ADGRG6: variants seen among roughly 807,000 people sequenced by gnomAD.
ADGRG6 encodes G-protein coupled receptor 126.
Under a neutral mutation model 142.4 loss-of-function variants are expected in ADGRG6, and 84 were observed. The ratio of observed to expected loss-of-function variants is 0.59; its 90% CI spans 0.49 to 0.71. The LOEUF is 0.71. ADGRG6 is among the 30% of genes least tolerant of loss of function. The pLI is 0.00. For missense variants in ADGRG6, 1,367 were observed against 1,466.6 expected (o/e 0.93, Z 1.11); for synonymous variants, 521 against 520.5 (o/e 1.00, Z -0.01).
chr6:142,317,758 T>C (rs1378956629), intron 2 of ADGRG6, among the ~76,000 whole-genome samples: 1 of 100,192 alleles, frequency 1.0e-5, no homozygotes, highest in Non-Finnish European at 1.8e-5. Context: ...ATATTTATAT[T>C]ATATATATTT....
chr6:142,306,454 G>C (rs1483868709), intron 1 of ADGRG6, among the ~76,000 whole-genome samples: 1 of 152,030 alleles, frequency 6.6e-6, no homozygotes, highest in Non-Finnish European at 1.5e-5. Flanking sequence ...TAGGTTGGAA[G>C]CCAAGTGACA....
intron 4 of ADGRG6, among the ~76,000 whole-genome samples, chr6:142,371,606 C>T (rs1169898530): frequency 6.6e-6 from 1 of 151,750 alleles, no homozygotes; most frequent in African/African-American, 2.4e-5. Flanking sequence ...CTGCCTCAGC[C>T]TATCGAGTAG....
chr6:142,323,602 G>A (rs1778622792), intron 2 of ADGRG6, among the ~76,000 whole-genome samples: 2 of 152,050 alleles, frequency 1.3e-5, no homozygotes, highest in Non-Finnish European at 2.9e-5. Flanking sequence ...TGCATCGTTA[G>A]GTGATTTCGT....
intron 22 of ADGRG6, among the ~76,000 whole-genome samples, chr6:142,432,817 T>A (rs1777277640): frequency 6.6e-6 from 1 of 152,214 alleles, no homozygotes; most frequent in African/African-American, 2.4e-5. Context: ...ACCTCGTTCT[T>A]TTCTGATGTC....
At chr6:142,320,335 A>G (rs570050510) in intron 2 of ADGRG6, among the ~76,000 whole-genome samples, 2 of 152,196 alleles carry the variant, frequency 1.3e-5, no homozygotes, top group African/African-American at 2.4e-5. Flanking sequence ...ACTTAAATCT[A>G]TGTTGGATTT....
chr6:142,305,332 A>G (rs904134120), intron 1 of ADGRG6, among the ~76,000 whole-genome samples: 1 of 151,734 alleles, frequency 6.6e-6, no homozygotes, highest in East Asian at 1.9e-4. Flanking sequence ...ACACACCTCT[A>G]TACCTTTTAC....
In ADGRG6 at chr6:142,408,221, G is replaced by T; in HGVS notation, c.2340G>T (p.Gln780His). The part of the protein sequence containing the change: ...MACSIGNITI[Q>H]NLKDPVQIKI... Reference sequence around the variant, plus strand: ...GCAGTATTGGAAACATTACTATCCAGAATCTGAAGGATCCTGTTCAAATAA... The same window carrying T: ...GCAGTATTGGAAACATTACTATCCATAATCTGAAGGATCCTGTTCAAATAA... The change falls in exon 16 of 25, where the codon CAG becomes CAT. Residue 780 changes from glutamine (Q) to histidine (H), a missense_variant. Physicochemically the swap from Gln to His is conservative, Grantham distance 24 (BLOSUM62 0). This residue lies in a region of ADGRG6 where 286 missense variants were observed against 371.4 expected (regional missense o/e 0.77). Coordinates refer to ENST00000367609, the MANE Select transcript of ADGRG6 (RefSeq NM_198569.3). 6.3e-7 allele frequency: 1 copy of T among 1,583,628 alleles called. No homozygotes were observed. The highest frequency in any genetic ancestry group is 8.6e-7 in the Non-Finnish European group (1 of 1,161,616).
chr6:142,367,926 G>A lies in ADGRG6; in HGVS notation c.445+16G>A. On this transcript the variant is annotated intron_variant, in intron 3 of 24. Coordinates refer to ENST00000367609, the MANE Select transcript of ADGRG6 (RefSeq NM_198569.3). ...TACATCAGAGGTATGTAAACCAAAG[G>A]CAACGCCAACCTTCTGCTTTTATTT... 5 of 1,435,968 alleles carry A rather than the reference G, an allele frequency of 3.5e-6. 1 individual carries two copies. Among genetic ancestry groups the A allele is most frequent in the South Asian group, 2.3e-5 (2 of 86,018 alleles). The allele number at this position is 1,435,968 out of a possible 1,614,324, so 89.0% of individuals were successfully genotyped here. A position where few individuals can be genotyped will look rare whatever the true frequency, so the allele number is the denominator to read the frequency against.
chr6:142,400,955 G>A (rs1485395923), intron 11 of ADGRG6, among the ~76,000 whole-genome samples: 1 of 152,124 alleles, frequency 6.6e-6, no homozygotes. Context: ...GATTATTGCT[G>A]GAATGGGGAG....
chr6:142,382,040 T>C (rs1781796142), intron 5 of ADGRG6, 21 bp downstream of exon 5: 1 of 1,470,204 alleles, frequency 6.8e-7, no homozygotes, highest in Admixed American at 1.8e-5. Context: ...CACACCGTGC[T>C]CTGGAATCTC....
At chr6:142,315,601 G>A (rs955955883) in intron 2 of ADGRG6, among the ~76,000 whole-genome samples, 9 of 151,914 alleles carry the variant, frequency 5.9e-5, no homozygotes, top group African/African-American at 1.7e-4. Flanking sequence ...AGGCCGAGGC[G>A]GCGGGCAGAT....
At chr6:142,362,696 A>G (rs1429308256) in intron 2 of ADGRG6, among the ~76,000 whole-genome samples, 2 of 152,222 alleles carry the variant, frequency 1.3e-5, no homozygotes, top group African/African-American at 4.8e-5. Context: ...ATTTCTGCAT[A>G]TTATCAATCA....
chr6:142,309,093 C>T (rs897143042), intron 1 of ADGRG6, among the ~76,000 whole-genome samples: 6 of 151,654 alleles, frequency 4.0e-5, no homozygotes, highest in African/African-American at 9.7e-5. Flanking sequence ...TAAATATTTC[C>T]GTTTGTAAAG....
At chr6:142,317,839 TTA>T (rs1384290988) in intron 2 of ADGRG6, among the ~76,000 whole-genome samples, 2 of 85,486 alleles carry the variant, frequency 2.3e-5, no homozygotes, top group Non-Finnish European at 4.1e-5. Context: ...TTATATATAT[TTA>T]TATATAATAT....
At chr6:142,377,385 C>T (rs186294302) in intron 4 of ADGRG6, among the ~76,000 whole-genome samples, 405 of 152,298 alleles carry the variant, frequency 2.7e-3, no homozygotes, top group Non-Finnish European at 5.1e-3. Flanking sequence ...ATGAATTCCC[C>T]GTGGCTCCAC....
At chr6:142,330,686 G>A (rs941313519) in intron 2 of ADGRG6, among the ~76,000 whole-genome samples, 1 of 152,132 alleles carries the variant, frequency 6.6e-6, no homozygotes, top group African/African-American at 2.4e-5. Flanking sequence ...CTTATAGTAT[G>A]GAATGCATTT....
rs761427700 is a variant in ADGRG6 at position 142,416,008 on chromosome 6, A to C, written c.2882A>C (p.Lys961Thr). 6.2e-7 allele frequency: 1 copy of C among 1,612,296 alleles called. No homozygotes were observed. Among genetic ancestry groups the C allele is most frequent in the East Asian group, 2.2e-5 (1 of 44,864 alleles). Residue 961 changes from lysine (K) to threonine (T), a missense_variant, in exon 20 of 25, where the codon AAA (lysine) becomes ACA (threonine). Around this residue, in one of 3 missense-constraint regions of ADGRG6, gnomAD observed 344 missense variants for 348.7 expected, o/e 0.99. Transcript: ENST00000367609. ...ATTCACATGTACATTGCTCTAGTTA[A>C]AGTATTTAACACTTACATTCGCCGA... is the stretch of plus-strand genomic sequence containing the variant. ...EAIHMYIALV[K>T]VFNTYIRRYI...
rs569714425 is a variant in ADGRG6, at chr6:142,402,643, C to A, written c.1768C>A (p.Gln590Lys). ...AGAAGAAGCAAATGAAGTTGCTAAC[C>A]AGATTTTAAATTTAACTGCTGATGG... ...CLKEANEVAN[Q>K]ILNLTADGQN... is the part of the protein sequence containing the mutation. The change falls in exon 13 of 25, where the codon CAG (glutamine) becomes AAG (lysine). Residue 590 changes from glutamine (Q) to lysine (K), a missense_variant. Gln to Lys is a moderately conservative substitution (Grantham distance 53). This residue lies in a region of ADGRG6 where 737 missense variants were observed against 746.5 expected (regional missense o/e 0.99). Transcript: ENST00000367609. The A allele has an allele frequency of 1.9e-6, 3 of 1,597,758 alleles. No individual in the cohort carries two copies. Among genetic ancestry groups the A allele is most frequent in the East Asian group, 2.2e-5 (1 of 44,474 alleles).
chr6:142,429,321 TA>T (rs2115152157), intron 22 of ADGRG6, among the ~76,000 whole-genome samples: 1 of 152,302 alleles, frequency 6.6e-6, no homozygotes, highest in East Asian at 1.9e-4. Context: ...AGCTGTTACA[TA>T]ATTACATGTA....
Sources: allele counts gnomAD v4.1 joint callset (sites outside exome capture counted in the v4.1 genomes callset), GRCh38; gene constraint gnomAD v4.1.1; regional missense constraint gnomAD v4.1.1; transcripts MANE v1.5; gene names NCBI Gene and HGNC (gene_info 2026-07-23, HGNC 2026-07-21).